The following NUP214 variants were observed in gnomAD, a reference collection of about 807,000 sequenced individuals.
NUP214 encodes the protein nucleoporin 214.
NUP214 carries 79 observed loss-of-function variants against 196.2 expected under a neutral mutation model. That is an observed-to-expected ratio of 0.40 (90% CI 0.34 to 0.49). NUP214 has a LOEUF of 0.49. NUP214 is among the 20% of genes least tolerant of loss of function. NUP214 has a pLI of 0.58. For synonymous variants in NUP214, 1,020 were observed against 990.5 expected (o/e 1.03, Z -0.56); for missense variants, 2,468 against 2,539.0 (o/e 0.97, Z 0.60).
chr9:131,201,609 A>G, intron 29 of NUP214, 38 bp from the exon 30 acceptor site: 1 of 1,507,900 alleles, frequency 6.6e-7, no homozygotes. Flanking sequence ...AGACTCATCC[A>G]ATCCAAATTG....
At chr9:131,126,869 G>A (rs1159542751) in intron 1 of NUP214, 2 of 152,046 alleles carry the variant, frequency 1.3e-5, no homozygotes, top group Non-Finnish European at 2.9e-5. Context: ...ATTATTTTTT[G>A]AGAATCACCA....
rs769490507 is a variant in NUP214, at chr9:131,198,802, A to G, written c.5308A>G (p.Ser1770Gly). ...CTCCACTCCCACATCCACCAGTGGAAGTGTCTTTGGTGCCGCCTCAAGTAC... is the reference window on the plus strand; with the variant it reads ...CTCCACTCCCACATCCACCAGTGGAGGTGTCTTTGGTGCCGCCTCAAGTAC... ...ASSTPTSTSG[S>G]VFGAASSTSS... The change falls in exon 29 of 36, where the codon AGT becomes GGT. Residue 1770 changes from serine to glycine, a missense_variant. Physicochemically the swap from Ser to Gly is moderately conservative, Grantham distance 56 (BLOSUM62 0). Transcript: ENST00000359428. The G allele has an allele frequency of 3.7e-6, 6 of 1,614,158 alleles. No homozygotes were observed. The highest frequency in any genetic ancestry group is 1.1e-5 in the South Asian group (1 of 91,078).
chr9:131,133,265 G>A, intron 7 of NUP214, 56 bp downstream of exon 7: 2 of 1,110,888 alleles, frequency 1.8e-6, no homozygotes, highest in South Asian at 1.8e-5. Context: ...TTCTAATAAA[G>A]CTGGAGGCTT....
At chr9:131,199,860 A>C (rs1297346552) in intron 29 of NUP214, among the ~76,000 whole-genome samples, 1 of 152,204 alleles carries the variant, frequency 6.6e-6, no homozygotes, top group Non-Finnish European at 1.5e-5. Flanking sequence ...TTAGAAAGGA[A>C]ACATTTTCCT....
At position 131,127,476 on chromosome 9, in the gene NUP214, T is replaced by C. The variant is rs1831397833; in HGVS notation, c.46-48T>C. 2.7e-6 allele frequency: 4 copies of C among 1,486,176 alleles called. No homozygotes were observed. The South Asian group carries it at 4.8e-5, about 18-fold the overall frequency. 92.1% of individuals were successfully genotyped at this position (1,486,176 alleles called of 1,614,324 possible). A position where few individuals can be genotyped will look rare whatever the true frequency, so the allele number is the denominator to read the frequency against. ...TGGGTCTACTGAATATAACATGTTT[T>C]AATTTCTTTCTTTATTGAATTGATC... On this transcript the variant is annotated intron_variant, in intron 1 of 35. Coordinates refer to ENST00000359428, the MANE Select transcript of NUP214 (RefSeq NM_005085.4).
rs1049863189 is a variant in NUP214, at chr9:131,197,721, C to T, written c.4227C>T (p.Ala1409=). 19 of 1,614,100 alleles carry T rather than the reference C, an allele frequency of 1.2e-5. No homozygotes were observed. Among genetic ancestry groups the T allele is most frequent in the South Asian group, 3.3e-5 (3 of 91,092 alleles). ...CAGCCACCAGCACTTCCTCAACTGC[C>T]GTTTTTGGCAGTCTGCCAGTCACCA... ...PPAATSTSST[A]VFGSLPVTSA... The change falls in exon 29 of 36, where the codon GCC becomes GCT. Residue 1409 remains alanine, a synonymous_variant. Transcript: ENST00000359428.
chr9:131,232,935 G>C lies in NUP214; in HGVS notation c.6240-519G>C, dbSNP rs1834917910. ...TGAGGCGGGAGGATCACTTGAGCCT[G>C]GGAGGTTGAGGCTGCAGTGAGCCAA... On this transcript the variant is annotated intron_variant, in intron 35 of 35. Transcript: ENST00000359428. The surrounding 1 kb of genome is among the most constrained non-coding windows in gnomAD (Gnocchi z 5.1). 1 of 155,858 alleles carries C rather than the reference G, an allele frequency of 6.4e-6. No homozygotes were observed. The highest frequency in any genetic ancestry group is 6.2e-5 in the Admixed American group (1 of 16,026). The allele number at this position is 155,858 out of a possible 1,614,324, so 9.7% of individuals were successfully genotyped here. A position where few individuals can be genotyped will look rare whatever the true frequency, so the allele number is the denominator to read the frequency against.
Position 131,192,198 on chromosome 9 carries a change from A to G in NUP214, c.3575-10A>G, listed in dbSNP as rs773146165. On this transcript the variant is annotated splice_polypyrimidine_tract_variant and intron_variant, in intron 26 of 35. Coordinates refer to ENST00000359428, the MANE Select transcript of NUP214 (RefSeq NM_005085.4). ...TTTTTTTTTTTTTTTTTTTTTTTCC[A>G]TAATTTCAGGGACAGCCAAGATAGA... 6.9e-6 allele frequency: 3 copies of G among 432,388 alleles called. No individual in the cohort carries two copies. The highest frequency in any genetic ancestry group is 4.4e-5 in the African/African-American group (1 of 22,788). The allele number at this position is 432,388 out of a possible 1,614,324, so 26.8% of individuals were successfully genotyped here. A position where few individuals can be genotyped will look rare whatever the true frequency, so the allele number is the denominator to read the frequency against.
intron 16 of NUP214, among the ~76,000 whole-genome samples, chr9:131,151,043 A>G (rs1588133867): frequency 6.6e-6 from 1 of 152,182 alleles, no homozygotes; most frequent in African/African-American, 2.4e-5. Flanking sequence ...CATACTGTGC[A>G]CTCCATAAAA....
chr9:131,215,144 C>T (rs993803506), intron 30 of NUP214, 68 bp from the exon 31 acceptor site: 7 of 1,385,300 alleles, frequency 5.1e-6, no homozygotes, highest in East Asian at 5.4e-5. Flanking sequence ...CTCCTGCCCA[C>T]GGATGCAGCC....
intron 24 of NUP214, among the ~76,000 whole-genome samples, chr9:131,185,940 T>G (rs560399857): frequency 1.3e-4 from 20 of 152,322 alleles, no homozygotes; most frequent in African/African-American, 4.6e-4. Context: ...CTGTAAAAAA[T>G]TTTCTAAAAT....
intron 1 of NUP214, among the ~76,000 whole-genome samples, chr9:131,126,769 C>T (rs1356176803): frequency 2.0e-5 from 3 of 151,906 alleles, no homozygotes; most frequent in African/African-American, 2.4e-5. Context: ...AGGCTGGTCT[C>T]GAACTCCTGA....
chr9:131,142,586 C>T (rs552265579), intron 11 of NUP214, among the ~76,000 whole-genome samples: 18 of 152,222 alleles, frequency 1.2e-4, no homozygotes, highest in Admixed American at 3.3e-4. Flanking sequence ...GGAAAAAATG[C>T]TTTTGATTTA....
intron 18 of NUP214, among the ~76,000 whole-genome samples, chr9:131,160,057 T>C (rs555033602): frequency 1.7e-4 from 26 of 152,260 alleles, no homozygotes; most frequent in Middle Eastern, 3.4e-3. Flanking sequence ...AGTGGCTAAA[T>C]AAATATGGTC....
At chr9:131,226,486 A>G (rs912740451) in intron 32 of NUP214, among the ~76,000 whole-genome samples, 1 of 151,544 alleles carries the variant, frequency 6.6e-6, no homozygotes, top group African/African-American at 2.4e-5. Context: ...ATGACTTCCC[A>G]TTTTTCACTC....
intron 32 of NUP214, among the ~76,000 whole-genome samples, chr9:131,225,170 T>A (rs1474820411): frequency 1.3e-5 from 2 of 152,104 alleles, no homozygotes; most frequent in Non-Finnish European, 2.9e-5. Flanking sequence ...CCCAGCACTT[T>A]GGGAGGCCAA....
intron 33 of NUP214, chr9:131,230,107 G>C (rs777589257): frequency 1.5e-5 from 3 of 201,670 alleles, no homozygotes; most frequent in African/African-American, 7.2e-5. Flanking sequence ...GGGCGAGCAG[G>C]GGAAGGAAAA....
chr9:131,133,334 T>C (rs1831618840), intron 7 of NUP214, 125 bp downstream of exon 7: 1 of 570,064 alleles, frequency 1.8e-6, no homozygotes, highest in Non-Finnish European at 2.9e-6. Context: ...AGACAAGATC[T>C]CACTCTGTCG....
intron 11 of NUP214, among the ~76,000 whole-genome samples, chr9:131,142,063 A>AT (rs913482728): frequency 3.3e-5 from 5 of 152,212 alleles, no homozygotes; most frequent in African/African-American, 1.2e-4. Context: ...CCCAAGTGAT[A>AT]TACCAGATGG....
Sources: gnomAD v4.1 joint callset for allele counts (sites outside exome capture counted in the v4.1 genomes callset) on GRCh38, gnomAD v4.1.1 for gene constraint, Gnocchi (gnomAD v3.1) non-coding constraint, MANE v1.5 for transcripts, NCBI Gene and HGNC (gene_info 2026-07-23, HGNC 2026-07-21) for gene names.